AGBL4: variants seen among roughly 807,000 people sequenced by gnomAD.
AGBL4 encodes cytosolic carboxypeptidase 6.
A neutral mutation model predicts 66.4 loss-of-function variants in AGBL4; 58 were observed. The observed-to-expected ratio is 0.87, with a 90% CI of 0.71 to 1.09. The LOEUF is 1.09. Among genes scored for constraint, AGBL4 ranks in the 50% least tolerant of loss-of-function variants. AGBL4 has a pLI of 0.00. For missense variants in AGBL4, 579 were observed against 631.0 expected, an observed-to-expected ratio of 0.92 and a Z score of 0.88; for synonymous variants, 234 against 222.9, an observed-to-expected ratio of 1.05 and a Z score of -0.44.
At chr1:48,951,810 G>T (rs558743927) in intron 5 of AGBL4, among the ~76,000 whole-genome samples, 1 of 152,306 alleles carries the variant, frequency 6.6e-6, no homozygotes, top group Non-Finnish European at 1.5e-5. Flanking sequence ...ACTGTGATTA[G>T]TATTTTTGAT....
chr1:48,576,173 C>T (rs181545023), intron 11 of AGBL4, among the ~76,000 whole-genome samples: 1 of 152,198 alleles, frequency 6.6e-6, no homozygotes. Context: ...ATGACCTGAG[C>T]TCCTCCTCCT....
chr1:49,029,492 T>G (rs932278113), intron 5 of AGBL4, among the ~76,000 whole-genome samples: 9 of 152,142 alleles, frequency 5.9e-5, no homozygotes, highest in African/African-American at 2.2e-4. Context: ...GTACAAACCT[T>G]GCTTATACTG....
chr1:49,572,200 G>C (rs1428355162), intron 3 of AGBL4, among the ~76,000 whole-genome samples: 2 of 152,038 alleles, frequency 1.3e-5, no homozygotes, highest in Non-Finnish European at 2.9e-5. Context: ...CATAGGCTAT[G>C]GGGCTTCTTT....
At chr1:49,364,238 G>A (rs1161527467) in intron 3 of AGBL4, among the ~76,000 whole-genome samples, 2 of 152,102 alleles carry the variant, frequency 1.3e-5, no homozygotes, top group African/African-American at 4.8e-5. Context: ...TATGCTTAAT[G>A]CTTGTCCATA....
intron 3 of AGBL4, among the ~76,000 whole-genome samples, chr1:49,477,874 T>TA (rs1215100819): frequency 6.6e-6 from 1 of 151,374 alleles, no homozygotes; most frequent in African/African-American, 2.4e-5. Flanking sequence ...TTTGAAAAAT[T>TA]AAAAAAGAAC....
chr1:48,534,735 G>A (rs1429318387), intron 13 of AGBL4, among the ~76,000 whole-genome samples, 155 bp downstream of exon 13: 1 of 152,046 alleles, frequency 6.6e-6, no homozygotes, highest in Non-Finnish European at 1.5e-5. Flanking sequence ...CTAACATACT[G>A]CCCCCTCCAC....
intron 4 of AGBL4, among the ~76,000 whole-genome samples, chr1:49,189,114 A>G (rs1175755942): frequency 2.0e-5 from 3 of 152,184 alleles, no homozygotes; most frequent in South Asian, 2.1e-4. Context: ...ACAGCCAGTG[A>G]GCATCCATAG....
intron 6 of AGBL4, among the ~76,000 whole-genome samples, chr1:48,834,954 C>A (rs144932221): frequency 2.0e-5 from 3 of 152,186 alleles, no homozygotes; most frequent in African/African-American, 7.2e-5. Flanking sequence ...TCTTTACCAG[C>A]CTTGTGATTT....
intron 1 of AGBL4, among the ~76,000 whole-genome samples, chr1:50,010,295 A>G (rs1413890700): frequency 7.7e-6 from 1 of 129,498 alleles, no homozygotes; most frequent in Non-Finnish European, 1.7e-5. Context: ...CAATAGAGCA[A>G]GACTCCATCT....
intron 4 of AGBL4, among the ~76,000 whole-genome samples, chr1:49,154,993 C>A (rs1248588044): frequency 1.3e-5 from 2 of 152,162 alleles, no homozygotes; most frequent in African/African-American, 4.8e-5. Flanking sequence ...TTTTGCCCAT[C>A]TGATGCTAAA....
intron 5 of AGBL4, among the ~76,000 whole-genome samples, chr1:48,889,178 T>C (rs1210321368): frequency 1.3e-5 from 2 of 152,236 alleles, no homozygotes; most frequent in Non-Finnish European, 2.9e-5. Flanking sequence ...TAAACACTTT[T>C]AACATCACTA....
At chr1:48,745,907 A>G (rs1005131196) in intron 6 of AGBL4, among the ~76,000 whole-genome samples, 4 of 152,052 alleles carry the variant, frequency 2.6e-5, no homozygotes, top group South Asian at 2.1e-4. Flanking sequence ...GTTCGTCTCT[A>G]TATCTGTCTC....
rs79194775 is a variant in AGBL4 at position 48,574,447 on chromosome 1, G to A, written c.1267+12557C>T. On this transcript the variant is annotated intron_variant, in intron 11 of 13. Coordinates refer to ENST00000371839, the MANE Select transcript of AGBL4 (RefSeq NM_032785.4). ...TACACTTTATACACTGATGAATGCT[G>A]TTTATTTCTGGATGGCTTACCCAGG... Among the ~76,000 whole-genome samples the A allele has an allele frequency of 2.6e-5, 4 of 152,090 alleles. No homozygotes were observed. In the South Asian group the frequency reaches 8.3e-4, roughly 32 times the overall value.
intron 3 of AGBL4, among the ~76,000 whole-genome samples, chr1:49,494,737 G>A (rs1242765687): frequency 6.6e-6 from 1 of 151,970 alleles, no homozygotes; most frequent in African/African-American, 2.4e-5. Flanking sequence ...ATAAACATAC[G>A]TGTGCATGTG....
intron 3 of AGBL4, among the ~76,000 whole-genome samples, chr1:49,593,281 C>A (rs761113596): frequency 1.1e-4 from 16 of 152,048 alleles, no homozygotes; most frequent in Non-Finnish European, 1.8e-4. Context: ...GTGGCAGGCG[C>A]CTGTAGTCTC....
intron 3 of AGBL4, among the ~76,000 whole-genome samples, chr1:49,633,500 A>G (rs1002814960): frequency 6.6e-6 from 1 of 152,164 alleles, no homozygotes; most frequent in Non-Finnish European, 1.5e-5. Context: ...TAAGTAGAGA[A>G]ATGATAAACT....
intron 2 of AGBL4, among the ~76,000 whole-genome samples, chr1:49,822,240 C>A (rs370400380): frequency 6.6e-6 from 1 of 151,802 alleles, no homozygotes; most frequent in Non-Finnish European, 1.5e-5. Context: ...TATTTCCATC[C>A]GGGTCAACAA....
At position 49,148,470 on chromosome 1, in the gene AGBL4, C is replaced by T. The variant is rs139436110; in HGVS notation, c.377+97300G>A. On this transcript the variant is annotated intron_variant, in intron 4 of 13. Coordinates refer to ENST00000371839, the MANE Select transcript of AGBL4 (RefSeq NM_032785.4). ...GGAATTATTTCTTTGAAACTTATCA[C>T]TGAGCCAGAACTGAAACTGCTGAGC... Among the ~76,000 whole-genome samples the T allele has an allele frequency of 6.0e-4, 92 of 152,292 alleles. 1 individual carries two copies. The highest frequency in any genetic ancestry group is 2.2e-3 in the African/African-American group (90 of 41,554).
intron 2 of AGBL4, among the ~76,000 whole-genome samples, chr1:49,803,091 T>A (rs1644901529): frequency 6.6e-6 from 1 of 150,782 alleles, no homozygotes; most frequent in Admixed American, 6.6e-5. Flanking sequence ...TATGAAGTTA[T>A]ATCTAAATTT....
Sources: allele counts gnomAD v4.1 joint callset (sites outside exome capture counted in the v4.1 genomes callset), GRCh38; gene constraint gnomAD v4.1.1; transcripts MANE v1.5; gene names NCBI Gene and HGNC (gene_info 2026-07-23, HGNC 2026-07-21).